Variants in PLEKHA6 observed in about 807,000 individuals in gnomAD.
PLEKHA6 encodes pleckstrin homology domain-containing family A member 6.
In PLEKHA6, 60 loss-of-function variants were observed where a neutral mutation model predicts 116.7. The observed-to-expected ratio is 0.51, with a 90% CI of 0.42 to 0.64. The LOEUF (loss-of-function observed/expected upper bound fraction) is 0.64, where lower values mean the gene tolerates loss of function less well. PLEKHA6 is among the 30% of genes least tolerant of loss of function. PLEKHA6 has a pLI of 0.00. For missense variants in PLEKHA6, 1,338 were observed against 1,422.7 expected (o/e 0.94, Z 0.96); for synonymous variants, 489 against 556.1 (o/e 0.88, Z 1.70).
chr1:204,365,985 C>T (rs1001301741), intron 3 of PLEKHA6, among the ~76,000 whole-genome samples: 1 of 152,254 alleles, frequency 6.6e-6, no homozygotes, highest in Middle Eastern at 3.4e-3. Flanking sequence ...GAGGACAGTG[C>T]TCCCAGGCAG....
At chr1:204,348,720 C>A (rs3125170) in intron 1 of PLEKHA6, among the ~76,000 whole-genome samples, 1 of 149,832 alleles carries the variant, frequency 6.7e-6, no homozygotes, top group African/African-American at 2.5e-5. Context: ...CCAAACCCCC[C>A]CCCCGCCATC....
chr1:204,282,847 G>A lies in PLEKHA6; in HGVS notation c.-94-8038C>T, dbSNP rs887837421. On this transcript the variant is annotated intron_variant, in intron 1 of 22. Coordinates refer to ENST00000272203, the MANE Select transcript of PLEKHA6 (RefSeq NM_014935.5). The stretch of plus-strand genomic sequence containing the variant: ...TTCAAAGGAGAACCAGCTGCCTACA[G>A]CTCTGGGTTTTCCTCCTCTCAGCCT... 3 of 978,364 alleles carry A rather than the reference G, an allele frequency of 3.1e-6. No homozygotes were observed. In the African/African-American group the frequency reaches 5.3e-5, roughly 17 times the overall value. 60.6% of individuals were successfully genotyped at this position (978,364 alleles called of 1,614,324 possible).
chr1:204,351,204 G>C (rs1055159368), intron 1 of PLEKHA6, among the ~76,000 whole-genome samples: 1 of 152,082 alleles, frequency 6.6e-6, no homozygotes, highest in Non-Finnish European at 1.5e-5. Context: ...GGGGTGTGGC[G>C]GGGGGGAGGT....
intron 18 of PLEKHA6, among the ~76,000 whole-genome samples, chr1:204,229,888 C>A (rs1428061596): frequency 2.6e-5 from 4 of 152,172 alleles, no homozygotes; most frequent in Non-Finnish European, 5.9e-5. Flanking sequence ...AGCTGTGTAG[C>A]CCAGGAATCC....
intron 1 of PLEKHA6, chr1:204,280,208 C>T (rs1668450510): frequency 1.5e-6 from 1 of 650,372 alleles, no homozygotes; most frequent in African/African-American, 2.0e-5. Context: ...TACAGTACCT[C>T]ACATAGAGAT....
intron 12 of PLEKHA6, 126 bp downstream of exon 12, chr1:204,248,695 T>G (rs1664118905): frequency 1.3e-6 from 1 of 770,376 alleles, no homozygotes; most frequent in Non-Finnish European, 2.1e-6. Flanking sequence ...TATGCCCCTC[T>G]GCACGGGAGT....
chr1:204,297,423 G>A (rs1355512051), intron 1 of PLEKHA6, among the ~76,000 whole-genome samples: 1 of 152,192 alleles, frequency 6.6e-6, no homozygotes, highest in African/African-American at 2.4e-5. Flanking sequence ...TGGGGGAGTT[G>A]ATATCAGGCA....
rs1355884681 is a variant in PLEKHA6, at chr1:204,221,387, T to C, written c.*1401A>G. The C allele has an allele frequency of 1.3e-5, 2 of 152,644 alleles. No individual in the cohort carries two copies. The highest frequency in any genetic ancestry group is 6.5e-5 in the Admixed American group (1 of 15,290). 9.5% of individuals were successfully genotyped at this position (152,644 alleles called of 1,614,324 possible). ...GCCGAGGGGCCACGGTGTCTTCAGT[T>C]TCCCTCCTTCCTCCTCTCTGGCTAC... On this transcript the variant is annotated 3_prime_UTR_variant, in exon 23 of 23. Transcript: ENST00000272203.
intron 1 of PLEKHA6, among the ~76,000 whole-genome samples, chr1:204,313,104 C>T (rs1435598112): frequency 6.9e-6 from 1 of 145,910 alleles, no homozygotes; most frequent in African/African-American, 2.5e-5. Context: ...TCCTTCCCTC[C>T]TTCCTTCCTT....
At chr1:204,249,063 C>A in intron 11 of PLEKHA6, 93 bp from the exon 12 acceptor site, 1 of 1,498,272 alleles carries the variant, frequency 6.7e-7, no homozygotes, top group Non-Finnish European at 9.2e-7. Context: ...GTTCAACAGG[C>A]AGCTGAGTGG....
At position 204,320,174 on chromosome 1, in the gene PLEKHA6, C is replaced by G. The variant is rs115043965; in HGVS notation, c.-95+39520G>C. 7.2e-3 allele frequency among the ~76,000 whole-genome samples: 1,101 copies of G among 152,278 alleles called. 11 individuals are homozygous for G. The highest frequency in any genetic ancestry group is 0.025 in the African/African-American group (1,051 of 41,546). ...CAGCTGCCTCTTCCCTGGGGGAATG[C>G]TATGCTCCACCACCCCTTCATGCCT... On this transcript the variant is annotated intron_variant, in intron 1 of 22. Transcript: ENST00000272203.
At chr1:204,255,586 A>G (rs963643302) in intron 9 of PLEKHA6, 61 of 700,998 alleles carry the variant, frequency 8.7e-5, no homozygotes, top group Non-Finnish European at 1.4e-4. Flanking sequence ...ATGCGACAGG[A>G]AGGCAGTGGG....
chr1:204,358,657 C>A (rs985631922), intron 1 of PLEKHA6, among the ~76,000 whole-genome samples: 2 of 152,106 alleles, frequency 1.3e-5, no homozygotes, highest in African/African-American at 4.8e-5. Flanking sequence ...TTGGGAAGAG[C>A]CTCCAATCCC....
At position 204,244,936 on chromosome 1, in the gene PLEKHA6, G is replaced by A; in HGVS notation, c.2100C>T (p.Leu700=). The A allele has an allele frequency of 2.0e-6, 3 of 1,502,706 alleles. No individual in the cohort carries two copies. The highest frequency in any genetic ancestry group is 2.7e-6 in the Non-Finnish European group (3 of 1,121,968). 93.1% of individuals were successfully genotyped at this position (1,502,706 alleles called of 1,614,324 possible). Residue 700 remains leucine (L), a synonymous_variant, in exon 15 of 23, where the codon CTC becomes CTT. Coordinates refer to ENST00000272203, the MANE Select transcript of PLEKHA6 (RefSeq NM_014935.5). ...GTGAAAAGGGGCTCAGGGGGCTGGT[G>A]AGGCTGGCAGAGCTGAGGGGGCTGG... is the stretch of plus-strand genomic sequence containing the variant. ...SPASPLSSAS[L]TSPLSPFSLV...
Position 204,277,898 on chromosome 1 carries a change from G to GCCACC in PLEKHA6, c.-94-3090_-94-3089insGGTGG, listed in dbSNP as rs1440122343. 1.3e-5 allele frequency: 2 copies of GCCACC among 152,310 alleles called. No individual in the cohort carries two copies. The highest frequency in any genetic ancestry group is 2.9e-5 in the Non-Finnish European group (2 of 68,124). 9.4% of individuals were successfully genotyped at this position (152,310 alleles called of 1,614,324 possible). ...CGTGGATGCTGTGGAACCAGAGCTG[G>GCCACC]TGGCTAGGATGGGGCTGCTCAGGCA... On this transcript the variant is annotated intron_variant, in intron 1 of 22. Coordinates refer to ENST00000272203, the MANE Select transcript of PLEKHA6 (RefSeq NM_014935.5). This position sits in a 1 kb window ranked among gnomAD's most constrained non-coding sequence, Gnocchi z 4.1.
chr1:204,257,725 G>A lies in PLEKHA6; in HGVS notation c.1152C>T (p.Ser384=). 6.2e-7 allele frequency: 1 copy of A among 1,613,154 alleles called. No homozygotes were observed. The highest frequency in any genetic ancestry group is 8.5e-7 in the Non-Finnish European group (1 of 1,179,650). The change falls in exon 9 of 23, where the codon AGC becomes AGT. Residue 384 remains serine, a synonymous_variant. Coordinates refer to ENST00000272203, the MANE Select transcript of PLEKHA6 (RefSeq NM_014935.5). The surrounding 1 kb of genome is among the most constrained non-coding windows in gnomAD (Gnocchi z 6.5). ...ICSMPAYDRI[S]PPWALEDKRH... ...GCTTGTCCTCCAGGGCCCAGGGCGG[G>A]CTGATCCGATCATAGGCCGGCATGG...
intron 1 of PLEKHA6, among the ~76,000 whole-genome samples, chr1:204,334,796 A>G (rs1044961962): frequency 3.9e-5 from 6 of 152,116 alleles, no homozygotes; most frequent in Admixed American, 1.3e-4. Flanking sequence ...TTACTTGGGA[A>G]GATAAGGCAC....
intron 3 of PLEKHA6, 65 bp downstream of exon 3, chr1:204,273,561 G>T (rs1667694327): frequency 9.5e-7 from 1 of 1,053,976 alleles, no homozygotes; most frequent in Admixed American, 1.7e-5. Context: ...GATTCCCAGA[G>T]ATCCCACTAA....
intron 1 of PLEKHA6, among the ~76,000 whole-genome samples, chr1:204,281,896 C>A (rs939702013): frequency 2.0e-5 from 3 of 152,182 alleles, no homozygotes; most frequent in Admixed American, 1.3e-4. Flanking sequence ...CCACACCGCA[C>A]CCCCAGCCCC....
Sources: gnomAD v4.1 joint callset for allele counts (sites outside exome capture counted in the v4.1 genomes callset) on GRCh38, gnomAD v4.1.1 for gene constraint, Gnocchi (gnomAD v3.1) non-coding constraint, MANE v1.5 for transcripts, NCBI Gene and HGNC (gene_info 2026-07-23, HGNC 2026-07-21) for gene names.